RBSN: variants seen among roughly 807,000 people sequenced by gnomAD.
The protein encoded by RBSN is rabenosyn, RAB effector, also known as rabenosyn-5.
Under a neutral mutation model 60.5 loss-of-function variants are expected in RBSN, and 34 were observed. The observed-to-expected ratio is 0.56, with a 90% CI of 0.43 to 0.75. The LOEUF is 0.75. Ranked by LOEUF, RBSN falls within the 30% of genes least tolerant of loss-of-function variation. The pLI, the probability that RBSN is intolerant of heterozygous loss-of-function variation, is 0.00. For missense variants in RBSN, 845 were observed against 986.8 expected (o/e 0.86, Z 1.92); for synonymous variants, 322 against 366.9 (o/e 0.88, Z 1.40).
At chr3:15,088,570 C>T (rs926616850) in intron 5 of RBSN, among the ~76,000 whole-genome samples, 22 of 151,878 alleles carry the variant, frequency 1.4e-4, no homozygotes, top group Non-Finnish European at 3.1e-4. Flanking sequence ...TTAGTAGAGA[C>T]GGGGTTTCAC....
intron 10 of RBSN, among the ~76,000 whole-genome samples, chr3:15,079,793 C>T (rs2043156213): frequency 6.6e-6 from 1 of 152,124 alleles, no homozygotes; most frequent in South Asian, 2.1e-4. Flanking sequence ...GCAGTGGCTG[C>T]TAATGGGTAT....
intron 4 of RBSN, among the ~76,000 whole-genome samples, chr3:15,090,815 A>G (rs1157648595): frequency 1.3e-5 from 2 of 152,252 alleles, no homozygotes; most frequent in Non-Finnish European, 2.9e-5. Context: ...ATTTAAGAGC[A>G]CAATTAAATA....
Position 15,073,933 on chromosome 3 carries a change from T to A in RBSN, c.2204A>T (p.Glu735Val), listed in dbSNP as rs2042980352. The change falls in exon 14 of 14, where the codon GAG becomes GTG. Residue 735 changes from glutamate (E) to valine (V), a missense_variant. By Grantham distance (121) the Glu-to-Val change is moderately radical. Coordinates refer to ENST00000253699, the MANE Select transcript of RBSN (RefSeq NM_022340.4). ...GATCTGCTGCAGGAGGAGCTCTTCC[T>A]CTATGGGCTCCTCAGCCTCTGGCCC... is the stretch of plus-strand genomic sequence containing the variant. ...DSGPEAEEPI[E>V]EELLLQQIDN... 5.6e-6 allele frequency: 9 copies of A among 1,614,082 alleles called. No individual in the cohort carries two copies. Among genetic ancestry groups the A allele is most frequent in the Non-Finnish European group, 7.6e-6 (9 of 1,180,018 alleles).
At chr3:15,091,929 A>C (rs543056910) in intron 4 of RBSN, among the ~76,000 whole-genome samples, 1 of 152,240 alleles carries the variant, frequency 6.6e-6, no homozygotes, top group Non-Finnish European at 1.5e-5. Context: ...AATGTTCTTT[A>C]ATCTTGGATG....
chr3:15,083,328 G>A (rs766499885), intron 8 of RBSN, among the ~76,000 whole-genome samples: 4 of 152,182 alleles, frequency 2.6e-5, no homozygotes, highest in Non-Finnish European at 5.9e-5. Context: ...TTGGAAAGAA[G>A]AAGCATCTGT....
In RBSN at chr3:15,085,089, G is replaced by T. The variant is rs774872798; in HGVS notation, c.391-44C>A. The T allele has an allele frequency of 5.6e-6, 9 of 1,607,084 alleles. No homozygotes were observed. The South Asian group carries it at 9.9e-5, about 18-fold the overall frequency. On this transcript the variant is annotated intron_variant, in intron 6 of 13. Coordinates refer to ENST00000253699, the MANE Select transcript of RBSN (RefSeq NM_022340.4). ...TGCCAAATGAAATTAACCAGGTGAT[G>T]TATACATGCTCCACACTTTCCAATA...
At chr3:15,092,360 A>T (rs2043538534) in intron 4 of RBSN, among the ~76,000 whole-genome samples, 1 of 152,036 alleles carries the variant, frequency 6.6e-6, no homozygotes, top group East Asian at 1.9e-4. Flanking sequence ...ATACTAAAAC[A>T]AAAGGACATC....
At position 15,071,642 on chromosome 3, in the gene RBSN, T is replaced by C. The variant is rs2042930039; in HGVS notation, c.*2140A>G. ...TCTCCACACCCCTATACAAGATCTT[T>C]TCATTCAACCAAAAGGATAAGAAAT... is the stretch of plus-strand genomic sequence containing the variant. On this transcript the variant is annotated 3_prime_UTR_variant, in exon 14 of 14. Coordinates refer to ENST00000253699, the MANE Select transcript of RBSN (RefSeq NM_022340.4). The C allele has an allele frequency of 6.6e-6, 1 of 152,230 alleles. No homozygotes were observed. Among genetic ancestry groups the C allele is most frequent in the Non-Finnish European group, 1.5e-5 (1 of 68,042 alleles). 9.4% of individuals were successfully genotyped at this position (152,230 alleles called of 1,614,324 possible). A position where few individuals can be genotyped will look rare whatever the true frequency, so the allele number is the denominator to read the frequency against.
chr3:15,074,785 C>T lies in RBSN; in HGVS notation c.1352G>A (p.Gly451Glu), dbSNP rs2043011756. 3.7e-6 allele frequency: 6 copies of T among 1,614,210 alleles called. No individual in the cohort carries two copies. Among genetic ancestry groups the T allele is most frequent in the Non-Finnish European group, 5.1e-6 (6 of 1,180,044 alleles). The change falls in exon 14 of 14, where the codon GGG becomes GAG. Residue 451 changes from glycine to glutamate, a missense_variant. Coordinates refer to ENST00000253699, the MANE Select transcript of RBSN (RefSeq NM_022340.4). The surrounding 1 kb of genome is among the most constrained non-coding windows in gnomAD (Gnocchi z 6.4). ...GAGCGGGTCTGAGTCCTCACTCTGC[C>T]CCTGACCTCCTGACAGTGGGAGCCA... ...EGWLPLSGGQ[G>E]QSEDSDPLLQ...
rs774878160 is a variant in RBSN, at chr3:15,077,064, G to T, written c.1099C>A (p.Gln367Lys). ...ATGCCAACCCAGGATGGCTTTACCT[G>T]CACAAAAAGTGTAGCTGAGTATCTG... ...MIRYSATLFV[Q>K]EKLLGLMSLP... Residue 367 changes from glutamine (Q) to lysine (K), a missense_variant and splice_region_variant, in exon 12 of 14, where the codon CAG becomes AAG. Physicochemically the swap from Gln to Lys is moderately conservative, Grantham distance 53. Coordinates refer to ENST00000253699, the MANE Select transcript of RBSN (RefSeq NM_022340.4). This position sits in a 1 kb window ranked among gnomAD's most constrained non-coding sequence, Gnocchi z 4.4. The T allele has an allele frequency of 6.2e-7, 1 of 1,613,962 alleles. No individual in the cohort carries two copies. Among genetic ancestry groups the T allele is most frequent in the Non-Finnish European group, 8.5e-7 (1 of 1,179,868 alleles).
chr3:15,088,781 A>G (rs2043415697), intron 5 of RBSN, among the ~76,000 whole-genome samples: 2 of 152,240 alleles, frequency 1.3e-5, no homozygotes, highest in South Asian at 4.1e-4. Context: ...GAACACTTAA[A>G]ATGTGGTTAG....
intron 13 of RBSN, chr3:15,075,174 T>C (rs1427428262): frequency 5.1e-6 from 3 of 584,692 alleles, no homozygotes; most frequent in Non-Finnish European, 9.0e-6. Context: ...TTCTCAATCT[T>C]AGATTCACAG....
intron 4 of RBSN, among the ~76,000 whole-genome samples, chr3:15,094,303 G>A (rs2043594609): frequency 6.6e-6 from 1 of 152,132 alleles, no homozygotes; most frequent in African/African-American, 2.4e-5. Flanking sequence ...TTTTAGTTTT[G>A]TTTTTGCTTC....
At chr3:15,086,088 C>A in intron 5 of RBSN, 127 bp from the exon 6 acceptor site, 23 of 180,732 alleles carry the variant, frequency 1.3e-4, no homozygotes, top group East Asian at 1.8e-4. Context: ...CCCCGTCTCT[C>A]TCCAAAAAAA....
chr3:15,087,124 TAATTACCATATGC>T (rs2043363762), intron 5 of RBSN, among the ~76,000 whole-genome samples: 1 of 152,248 alleles, frequency 6.6e-6, no homozygotes, highest in South Asian at 2.1e-4. Flanking sequence ...CTAAACAAGC[TAATTACCATATGC>T]ATTACTTCAT....
intron 2 of RBSN, among the ~76,000 whole-genome samples, chr3:15,097,750 G>A (rs541538605): frequency 2.0e-5 from 3 of 152,244 alleles, no homozygotes; most frequent in South Asian, 2.1e-4. Context: ...GAGGGGAGAT[G>A]TGTGACCCTC....
In RBSN at chr3:15,085,053, G is replaced by C; in HGVS notation, c.391-8C>G. 2 of 1,614,176 alleles carry C rather than the reference G, an allele frequency of 1.2e-6. No homozygotes were observed. The highest frequency in any genetic ancestry group is 2.2e-5 in the South Asian group (2 of 91,074). On this transcript the variant is annotated splice_region_variant and splice_polypyrimidine_tract_variant and intron_variant, in intron 6 of 13. Transcript: ENST00000253699. ...TCTGTCAAATGCAGTGAGCTGACCG[G>C]AAGAAAATAGTGCCAAATGAAATTA...
chr3:15,082,165 G>A lies in RBSN; in HGVS notation c.840+202C>T, dbSNP rs183382758. ...GTGGCCAAGGAAGGCCACTTGAAAC[G>A]AGTTTGTTGCAACACACCCAGGATG... On this transcript the variant is annotated intron_variant, in intron 9 of 13. Coordinates refer to ENST00000253699, the MANE Select transcript of RBSN (RefSeq NM_022340.4). This position sits in a 1 kb window ranked among gnomAD's most constrained non-coding sequence, Gnocchi z 4.2. Among the ~76,000 whole-genome samples, 7 of 152,144 alleles carry A rather than the reference G, an allele frequency of 4.6e-5. No individual in the cohort carries two copies. Among genetic ancestry groups the A allele is most frequent in the African/African-American group, 1.7e-4 (7 of 41,506 alleles).
At chr3:15,091,188 C>G (rs970423633) in intron 4 of RBSN, among the ~76,000 whole-genome samples, 1 of 85,780 alleles carries the variant, frequency 1.2e-5, no homozygotes, top group Non-Finnish European at 2.1e-5. Context: ...CCAGCCTGGA[C>G]AACCAGAATG....
Sources: gnomAD v4.1 joint callset for allele counts (sites outside exome capture counted in the v4.1 genomes callset) on GRCh38, gnomAD v4.1.1 for gene constraint, Gnocchi (gnomAD v3.1) non-coding constraint, MANE v1.5 for transcripts, NCBI Gene and HGNC (gene_info 2026-07-23, HGNC 2026-07-21) for gene names.